The following JCAD variants were observed in gnomAD, a reference collection of about 807,000 sequenced individuals.
JCAD encodes the protein junctional cadherin 5 associated.
Under a neutral mutation model 98.0 loss-of-function variants are expected in JCAD, and 40 were observed. The ratio of observed to expected loss-of-function variants is 0.41; its 90% CI spans 0.32 to 0.53. The LOEUF is 0.53. JCAD is among the 20% of genes least tolerant of loss of function. The pLI is 0.31. For missense variants in JCAD, 1,705 were observed against 1,738.1 expected (o/e 0.98, Z 0.34); for synonymous variants, 691 against 682.3 (o/e 1.01, Z -0.20).
At chr10:30,035,462 T>C (rs1263026499) in intron 2 of JCAD, among the ~76,000 whole-genome samples, 6 of 152,254 alleles carry the variant, frequency 3.9e-5, no homozygotes, top group Non-Finnish European at 8.8e-5. Context: ...ATTTTGTACC[T>C]AGCAAGGGCT....
rs775925093 is a variant in JCAD, at chr10:30,028,307, T to C, written c.1841A>G (p.Asp614Gly). ...CTGTTCTTGCAGAGCCGGGCTCTTA[T>C]CAGACCCATTCTTTTGATCAGCACT... ...KPSADQKNGS[D>G]KSPALQEQSL... Residue 614 changes from aspartate to glycine, a missense_variant, in exon 3 of 4, where the codon GAT becomes GGT. Physicochemically the swap from Asp to Gly is moderately conservative, Grantham distance 94. Around this residue, in one of 3 missense-constraint regions of JCAD, gnomAD observed 1,278 missense variants for 1,243.1 expected, o/e 1.03. Transcript: ENST00000375377. 1.2e-6 allele frequency: 2 copies of C among 1,614,254 alleles called. No individual in the cohort carries two copies. Among genetic ancestry groups the C allele is most frequent in the Non-Finnish European group, 1.7e-6 (2 of 1,180,050 alleles).
In JCAD at chr10:30,013,695, A is replaced by T. The variant is rs1269072025; in HGVS notation, c.*4188T>A. 6.6e-6 allele frequency: 1 copy of T among 152,230 alleles called. No individual in the cohort carries two copies. Among genetic ancestry groups the T allele is most frequent in the Non-Finnish European group, 1.5e-5 (1 of 68,046 alleles). The allele number at this position is 152,230 out of a possible 1,614,324, so 9.4% of individuals were successfully genotyped here. ...AGTAGGGCCTGTCTTTCATACGGAA[A>T]GGGTTCCTCCTAACCCCTATCAAAG... is the stretch of plus-strand genomic sequence containing the variant. On this transcript the variant is annotated 3_prime_UTR_variant, in exon 4 of 4. Transcript: ENST00000375377.
In JCAD at chr10:30,064,928, C is replaced by CCAAG. The variant is rs1837759152; in HGVS notation, n.250+4768_250+4771dup. Among the ~76,000 whole-genome samples the CCAAG allele has an allele frequency of 2.0e-5, 3 of 152,328 alleles. No homozygotes were observed. In the South Asian group the frequency reaches 6.2e-4, roughly 32 times the overall value. Reference sequence around the variant, plus strand: ...CTCGTGATCCACCCGCCTTGGCCTCCCAAGGTGCTGGGATTACAGGCGTGA... The same window carrying CCAAG: ...CTCGTGATCCACCCGCCTTGGCCTCCCAAGCAAGGTGCTGGGATTACAGGCGTGA... On this transcript the variant is annotated intron_variant and non_coding_transcript_variant, in intron 2 of 2. Coordinates refer to the JCAD transcript ENST00000465712.
chr10:30,041,492 A>G (rs1238266527), intron 2 of JCAD, among the ~76,000 whole-genome samples: 9 of 152,218 alleles, frequency 5.9e-5, no homozygotes, highest in Admixed American at 5.9e-4. Flanking sequence ...GAAGCTTTAA[A>G]AGACCCTGAA....
At chr10:30,097,273 C>A (rs1358383556) in intron 1 of JCAD, among the ~76,000 whole-genome samples, 4 of 152,020 alleles carry the variant, frequency 2.6e-5, no homozygotes, top group Non-Finnish European at 5.9e-5. Context: ...CCGTATTGAG[C>A]AGCACAGATA....
rs1251128974 is a variant in JCAD, at chr10:30,028,510, T to C, written c.1638A>G (p.Ser546=). 6.2e-7 allele frequency: 1 copy of C among 1,614,244 alleles called. No homozygotes were observed. The highest frequency in any genetic ancestry group is 8.5e-7 in the Non-Finnish European group (1 of 1,180,048). The change falls in exon 3 of 4, where the codon TCA becomes TCG. Residue 546 remains serine, a synonymous_variant. Coordinates refer to ENST00000375377, the MANE Select transcript of JCAD (RefSeq NM_020848.4). The part of the protein sequence containing the change: ...HTGRQVSSPY[S]QGESTCETQT... Reference sequence around the variant, plus strand: ...GAGTTTCGCAGGTGCTCTCGCCCTGTGAGTAAGGGGAGGAAACTTGTCTTC... The same window carrying C: ...GAGTTTCGCAGGTGCTCTCGCCCTGCGAGTAAGGGGAGGAAACTTGTCTTC...
intron 2 of JCAD, among the ~76,000 whole-genome samples, chr10:30,042,309 C>T (rs1837258446): frequency 6.6e-6 from 1 of 152,214 alleles, no homozygotes; most frequent in African/African-American, 2.4e-5. Context: ...GGCACCCATG[C>T]CTGGTCATTC....
upstream of JCAD, among the ~76,000 whole-genome samples, chr10:30,064,096 C>T (rs369697099): frequency 1.3e-5 from 2 of 152,114 alleles, no homozygotes; most frequent in Non-Finnish European, 1.5e-5. Flanking sequence ...AAAACCATTG[C>T]GCCCAGCCCA....
intron 1 of JCAD, among the ~76,000 whole-genome samples, chr10:30,086,033 T>C (rs1200325720): frequency 6.6e-6 from 1 of 152,160 alleles, no homozygotes; most frequent in Non-Finnish European, 1.5e-5. Context: ...TGTTAACTCA[T>C]TGGAAAATGG....
intron 3 of JCAD, among the ~76,000 whole-genome samples, chr10:30,019,533 C>G (rs1413934598): frequency 7.0e-6 from 1 of 141,908 alleles, no homozygotes; most frequent in Non-Finnish European, 1.5e-5. Flanking sequence ...CATGATCTCA[C>G]CTATATGTGG....
At chr10:30,074,008 G>A (rs1261579623) in intron 1 of JCAD, among the ~76,000 whole-genome samples, 6 of 152,058 alleles carry the variant, frequency 3.9e-5, no homozygotes, top group African/African-American at 7.2e-5. Context: ...GTGTGCCTGC[G>A]TGCATATGTA....
At chr10:30,094,560 G>A (rs1473046022) in intron 1 of JCAD, among the ~76,000 whole-genome samples, 7 of 152,188 alleles carry the variant, frequency 4.6e-5, no homozygotes, top group East Asian at 1.9e-4. Flanking sequence ...GTGCCGTGGG[G>A]CTGCTGCCAC....
chr10:30,084,497 C>T (rs528487304), intron 1 of JCAD, among the ~76,000 whole-genome samples: 1 of 152,224 alleles, frequency 6.6e-6, no homozygotes, highest in East Asian at 1.9e-4. Flanking sequence ...GGGTAGGGGC[C>T]TCAGTCAATC....
chr10:30,104,712 C>A (rs1838537892), intron 1 of JCAD, among the ~76,000 whole-genome samples: 1 of 152,074 alleles, frequency 6.6e-6, no homozygotes, highest in African/African-American at 2.4e-5. Flanking sequence ...TATGTAGCCC[C>A]TGAATCTAAA....
In JCAD at chr10:30,027,852, T is replaced by C. The variant is rs1836868817; in HGVS notation, c.2296A>G (p.Arg766Gly). 1.2e-6 allele frequency: 2 copies of C among 1,614,252 alleles called. No homozygotes were observed. The highest frequency in any genetic ancestry group is 1.7e-6 in the Non-Finnish European group (2 of 1,180,048). ...LSPSSNSAFS[R>G]TSLSVDQAPT... is the part of the protein sequence containing the mutation. Reference sequence around the variant, plus strand: ...GCCTGGTCCACGGACAAGGAAGTCCTTGAGAACGCACTGTTGCTGGATGGG... The same window carrying C: ...GCCTGGTCCACGGACAAGGAAGTCCCTGAGAACGCACTGTTGCTGGATGGG... Residue 766 changes from arginine (R) to glycine (G), a missense_variant, in exon 3 of 4, where the codon AGG becomes GGG. By Grantham distance (125) the Arg-to-Gly change is moderately radical. Coordinates refer to ENST00000375377, the MANE Select transcript of JCAD (RefSeq NM_020848.4).
intron 1 of JCAD, among the ~76,000 whole-genome samples, chr10:30,082,866 AAAAAAAAAAAAC>A (rs1838109082): frequency 2.0e-5 from 3 of 148,750 alleles, no homozygotes; most frequent in Non-Finnish European, 4.5e-5. Flanking sequence ...AAAAAAAAAA[AAAAAAAAAAAAC>A]AAAAAATTAG....
intron 1 of JCAD, among the ~76,000 whole-genome samples, chr10:30,055,272 T>C (rs1468891972): frequency 1.3e-5 from 2 of 152,246 alleles, no homozygotes; most frequent in Admixed American, 6.5e-5. Flanking sequence ...TAAGATGTAA[T>C]TGGTCCCTCA....
At chr10:30,035,150 G>A (rs951111526) in intron 2 of JCAD, among the ~76,000 whole-genome samples, 1 of 152,206 alleles carries the variant, frequency 6.6e-6, no homozygotes, top group African/African-American at 2.4e-5. Flanking sequence ...TCAGAAGACA[G>A]ATAAAAAATG....
intron 3 of JCAD, among the ~76,000 whole-genome samples, chr10:30,020,109 A>G (rs1001328904): frequency 1.3e-5 from 2 of 152,102 alleles, no homozygotes; most frequent in East Asian, 1.9e-4. Flanking sequence ...CAGGTGAATA[A>G]CCTGAGGTCG....
Sources: allele counts gnomAD v4.1 joint callset (sites outside exome capture counted in the v4.1 genomes callset), GRCh38; gene constraint gnomAD v4.1.1; regional missense constraint gnomAD v4.1.1; transcripts MANE v1.5; gene names NCBI Gene and HGNC (gene_info 2026-07-23, HGNC 2026-07-21).